Variants in SLC25A29 observed in about 807,000 individuals in gnomAD.
SLC25A29 encodes solute carrier family 25 member 29.
A neutral mutation model predicts 10.0 loss-of-function variants in SLC25A29; 13 were observed. That is an observed-to-expected ratio of 1.30 (90% CI 0.85 to 2.07). The LOEUF (loss-of-function observed/expected upper bound fraction) is 2.07. Ranked by LOEUF, SLC25A29 falls within the 30% of genes most tolerant of loss-of-function variation. SLC25A29 has a pLI of 0.00. For missense variants in SLC25A29, 475 were observed against 447.6 expected (o/e 1.06, Z -0.55); for synonymous variants, 244 against 221.1 (o/e 1.10, Z -0.92).
chr14:100,306,014 G>A (rs1408844602), intron 1 of SLC25A29, among the ~76,000 whole-genome samples, 185 bp downstream of exon 1: 2 of 152,154 alleles, frequency 1.3e-5, no homozygotes, highest in East Asian at 3.9e-4. Flanking sequence ...CTGCCCTCGC[G>A]GACAGCCCGG....
the SLC25A29 span, chr14:100,279,355 C>T: frequency 6.6e-6 from 1 of 152,240 alleles, no homozygotes; most frequent in African/African-American, 2.4e-5. Flanking sequence ...CTTAGAGCTT[C>T]TCCATCGGTC....
downstream of SLC25A29, among the ~76,000 whole-genome samples, chr14:100,288,405 A>AAAAAAAC (rs1891588833): frequency 6.6e-6 from 1 of 151,298 alleles, no homozygotes; most frequent in African/African-American, 2.4e-5. Flanking sequence ...AAAAAAAAAA[A>AAAAAAAC]AGACAGTTTG....
At chr14:100,283,327 CAG>C in the SLC25A29 span, among the ~76,000 whole-genome samples, 1 of 152,062 alleles carries the variant, frequency 6.6e-6, no homozygotes, top group Non-Finnish European at 1.5e-5. Context: ...TTGCTAGTGA[CAG>C]AAGGGGCTGC....
At chr14:100,296,121 A>G in intron 2 of SLC25A29, 1 of 966,508 alleles carries the variant, frequency 1.0e-6, no homozygotes, top group African/African-American at 1.7e-5. Context: ...TCAACCAGGC[A>G]AAAGGGACCC....
intron 3 of SLC25A29, 91 bp from the exon 4 acceptor site, chr14:100,293,123 A>AC (rs1232831790): frequency 1.4e-6 from 2 of 1,450,518 alleles, no homozygotes; most frequent in African/African-American, 2.8e-5. Flanking sequence ...GCCCCAGCCC[A>AC]CCCCAGGGGC....
At position 100,292,168 on chromosome 14, in the gene SLC25A29, T is replaced by C; in HGVS notation, c.*115A>G. On this transcript the variant is annotated 3_prime_UTR_variant, in exon 4 of 4. Transcript: ENST00000359232. ...TGATCAGCAAAATTCAGCCCACGTC[T>C]GATAGACTCCACAGCTCGCAGCATC... The C allele has an allele frequency of 7.2e-7, 1 of 1,394,358 alleles. No homozygotes were observed. The highest frequency in any genetic ancestry group is 9.8e-7 in the Non-Finnish European group (1 of 1,024,320). 86.4% of individuals were successfully genotyped at this position (1,394,358 alleles called of 1,614,324 possible). A position where few individuals can be genotyped will look rare whatever the true frequency, so the allele number is the denominator to read the frequency against.
intron 2 of SLC25A29, 126 bp downstream of exon 2, chr14:100,298,716 C>T: frequency 2.5e-6 from 3 of 1,223,498 alleles, no homozygotes; most frequent in South Asian, 1.2e-5. Context: ...AAGGTTCAAC[C>T]CGGCCTGGTG....
In SLC25A29 at chr14:100,298,934, T is replaced by C. The variant is rs754114185; in HGVS notation, c.35-49A>G. The C allele has an allele frequency of 6.2e-6, 10 of 1,609,430 alleles. No individual in the cohort carries two copies. In the South Asian group the frequency reaches 1.1e-4, roughly 18 times the overall value. Reference sequence around the variant, plus strand: ...TGACCCACATACCTCAGAAACACAGTGCAGGGTGCTGGGCAGGAGGGGGTT... The same window carrying C: ...TGACCCACATACCTCAGAAACACAGCGCAGGGTGCTGGGCAGGAGGGGGTT... On this transcript the variant is annotated intron_variant, in intron 1 of 3. Coordinates refer to ENST00000359232, the MANE Select transcript of SLC25A29 (RefSeq NM_001039355.3).
rs8008418 is a variant in SLC25A29, at chr14:100,299,824, C to T, written c.35-939G>A. The T allele has an allele frequency of 8.9e-3, 8,773 of 985,360 alleles. 585 individuals carry two copies. In the African/African-American group the frequency reaches 0.14, roughly 16 times the overall value. The allele number at this position is 985,360 out of a possible 1,614,324, so 61.0% of individuals were successfully genotyped here. On this transcript the variant is annotated intron_variant, in intron 1 of 3. Transcript: ENST00000359232. ...CAAGCTCTCCCTTTACTGCCAGTAGCGTTTATGTATAATTAAAACAGCTGG... is the reference window on the plus strand; with the variant it reads ...CAAGCTCTCCCTTTACTGCCAGTAGTGTTTATGTATAATTAAAACAGCTGG...
chr14:100,288,002 C>G (rs926534250), downstream of SLC25A29, among the ~76,000 whole-genome samples: 2 of 152,226 alleles, frequency 1.3e-5, no homozygotes, highest in Non-Finnish European at 2.9e-5. Context: ...GGTCAGAGAC[C>G]AGAGGTCAAG....
Position 100,292,710 on chromosome 14 carries a change from G to A in SLC25A29, c.485C>T (p.Thr162Met), listed in dbSNP as rs773551913. The change falls in exon 4 of 4, where the codon ACG becomes ATG. Residue 162 changes from threonine (T) to methionine (M), a missense_variant. Physicochemically the swap from Thr to Met is moderately conservative, Grantham distance 81. Coordinates refer to ENST00000359232, the MANE Select transcript of SLC25A29 (RefSeq NM_001039355.3). ...GAGGAAGTAGACGCCGAAGCTGGGC[G>A]TCTCACGCAGCAACGTGGACACCAT... Reference protein sequence around the residue: ...RGMVSTLLRETPSFGVYFLTY... With the variant: ...RGMVSTLLREMPSFGVYFLTY... The A allele has an allele frequency of 5.9e-5, 95 of 1,601,832 alleles. No homozygotes were observed. Among genetic ancestry groups the A allele is most frequent in the Non-Finnish European group, 7.9e-5 (93 of 1,175,354 alleles).
At chr14:100,293,102 G>C in intron 3 of SLC25A29, 70 bp from the exon 4 acceptor site, 3 of 1,465,096 alleles carry the variant, frequency 2.0e-6, no homozygotes, top group Non-Finnish European at 2.7e-6. Context: ...GAAGGGGGTC[G>C]GGGGATGGCA....
chr14:100,294,493 G>A (rs905636103), intron 2 of SLC25A29: 2 of 152,322 alleles, frequency 1.3e-5, no homozygotes, highest in African/African-American at 2.4e-5. Context: ...CACAGAGCAA[G>A]TGCCTTCGGT....
chr14:100,285,323 G>T, the SLC25A29 span, among the ~76,000 whole-genome samples: 1 of 107,650 alleles, frequency 9.3e-6, no homozygotes, highest in South Asian at 2.7e-4. Context: ...AGTGCTCCAG[G>T]GCCTGTCCCC....
At chr14:100,288,941 GA>G (rs1891601892), downstream of SLC25A29, among the ~76,000 whole-genome samples, 1 of 152,184 alleles carries the variant, frequency 6.6e-6, no homozygotes, top group South Asian at 2.1e-4. Context: ...TAGTTAAGAT[GA>G]GGTCATACTA....
At chr14:100,289,583 C>A (rs1174942961), downstream of SLC25A29, among the ~76,000 whole-genome samples, 1 of 152,152 alleles carries the variant, frequency 6.6e-6, no homozygotes, top group African/African-American at 2.4e-5. Context: ...TGGCTCACAC[C>A]TGTAATCCCA....
At chr14:100,296,927 C>T (rs1892202147) in intron 2 of SLC25A29, among the ~76,000 whole-genome samples, 1 of 152,054 alleles carries the variant, frequency 6.6e-6, no homozygotes, top group South Asian at 2.1e-4. Context: ...ATGTGCTGGA[C>T]CTCAACTAAA....
rs756798148 is a variant in SLC25A29 at position 100,306,266 on chromosome 14, C to A, written c.-34G>T. On this transcript the variant is annotated 5_prime_UTR_variant, in exon 1 of 4. Coordinates refer to ENST00000359232, the MANE Select transcript of SLC25A29 (RefSeq NM_001039355.3). ...CCCCGGCGAGGCCGCCTTTCCTCCT[C>A]GTCCTCCCCCTGAGGCCCCTCGCCG... The A allele has an allele frequency of 4.8e-6, 7 of 1,446,950 alleles. No homozygotes were observed. The highest frequency in any genetic ancestry group is 2.7e-6 in the Non-Finnish European group (3 of 1,103,548). 89.6% of individuals were successfully genotyped at this position (1,446,950 alleles called of 1,614,324 possible).
In SLC25A29 at chr14:100,292,946, G is replaced by A. The variant is rs35529026; in HGVS notation, c.249C>T (p.Thr83=). The change falls in exon 4 of 4, where the codon ACC becomes ACT. Residue 83 remains threonine, a synonymous_variant. Transcript: ENST00000359232. ...GCGAGTCGTGGCCCAGGGCCCGGAGGGTGTTGCCCTGCACCCCGAACACCA... is the reference window on the plus strand; with the variant it reads ...GCGAGTCGTGGCCCAGGGCCCGGAGAGTGTTGCCCTGCACCCCGAACACCA... ...NALVFGVQGN[T]LRALGHDSPL... is the part of the protein sequence containing the mutation. 4.0e-3 allele frequency: 6,431 copies of A among 1,606,444 alleles called. 17 individuals are homozygous for A. Among genetic ancestry groups the A allele is most frequent in the Non-Finnish European group, 5.0e-3 (5,841 of 1,177,302 alleles).
Sources: gnomAD v4.1 joint callset for allele counts (sites outside exome capture counted in the v4.1 genomes callset) on GRCh38, gnomAD v4.1.1 for gene constraint, MANE v1.5 for transcripts, NCBI Gene and HGNC (gene_info 2026-07-23, HGNC 2026-07-21) for gene names.